Variants in COL4A2 observed in about 807,000 individuals in gnomAD.
The protein encoded by COL4A2 is collagen alpha-2(IV) chain.
In COL4A2, 99 loss-of-function variants were observed where a neutral mutation model predicts 200.2. The observed-to-expected ratio is 0.49, with a 90% CI of 0.42 to 0.58. The LOEUF (loss-of-function observed/expected upper bound fraction) is 0.58. Among genes scored for constraint, COL4A2 ranks in the 20% least tolerant of loss-of-function variants. The probability of loss-of-function intolerance (pLI) is 0.00; values close to 1 mark genes in which losing one functional copy is unlikely to be tolerated. For missense variants in COL4A2, 1,950 were observed against 2,314.1 expected (o/e 0.84, Z 3.23); for synonymous variants, 897 against 900.6 (o/e 1.00, Z 0.07).
At chr13:110,451,955 G>A (rs1881551970) in intron 20 of COL4A2, among the ~76,000 whole-genome samples, 1 of 152,240 alleles carries the variant, frequency 6.6e-6, no homozygotes, top group African/African-American at 2.4e-5. Flanking sequence ...CTCTTTCTGT[G>A]TGACGTTGAC....
chr13:110,477,165 A>G (rs1401201369), intron 29 of COL4A2, among the ~76,000 whole-genome samples: 5 of 152,244 alleles, frequency 3.3e-5, no homozygotes, highest in African/African-American at 9.6e-5. Flanking sequence ...CCTAGGCAAC[A>G]TGGCAAAACC....
chr13:110,507,941 C>T lies in COL4A2; in HGVS notation c.4601C>T (p.Ala1534Val), dbSNP rs763898774. 25 of 1,613,180 alleles carry T rather than the reference C, an allele frequency of 1.5e-5. No homozygotes were observed. Among genetic ancestry groups the T allele is most frequent in the Non-Finnish European group, 1.9e-5 (23 of 1,179,514 alleles). Residue 1534 changes from alanine to valine, a missense_variant, in exon 47 of 48, where the codon GCG becomes GTG. Ala to Val is a moderately conservative substitution (Grantham distance 64). Coordinates refer to ENST00000360467, the MANE Select transcript of COL4A2 (RefSeq NM_001846.4). The part of the protein sequence containing the change: ...EKAHNQDLGL[A>V]GSCLARFSTM... ...ATGACCCCTCCTTCCACAGGGCTGG[C>T]GGGCTCCTGCCTGGCGCGGTTCAGC...
intron 4 of COL4A2, among the ~76,000 whole-genome samples, chr13:110,381,799 G>A (rs917568943): frequency 3.3e-5 from 5 of 152,110 alleles, no homozygotes; most frequent in African/African-American, 7.2e-5. Context: ...AGCACCCAAC[G>A]CATCATCATC....
rs1193877088 is a variant in COL4A2, at chr13:110,439,808, G to A, written c.932G>A (p.Gly311Asp). The change falls in exon 16 of 48, where the codon GGT becomes GAT. Residue 311 changes from glycine (G) to aspartate (D), a missense_variant. This residue lies in a region of COL4A2 where 565 missense variants were observed against 593.5 expected (regional missense o/e 0.95). Coordinates refer to ENST00000360467, the MANE Select transcript of COL4A2 (RefSeq NM_001846.4). ...TTCCAGGGTTACCCTGGCTTGAGTG[G>A]TGAAAAAGGATCACCAGGACAGAAG... is the stretch of plus-strand genomic sequence containing the variant. ...PGLRGYPGLS[G>D]EKGSPGQKGS... The A allele has an allele frequency of 6.2e-7, 1 of 1,613,958 alleles. No homozygotes were observed. The highest frequency in any genetic ancestry group is 2.2e-5 in the East Asian group (1 of 44,860).
At position 110,459,744 on chromosome 13, in the gene COL4A2, CAAAA is replaced by C. The variant is rs1299623026; in HGVS notation, c.1596+814_1596+817del. 6 of 152,216 alleles carry C rather than the reference CAAAA, an allele frequency of 3.9e-5. No individual in the cohort carries two copies. In the South Asian group the frequency reaches 1.0e-3, roughly 26 times the overall value. 9.4% of individuals were successfully genotyped at this position (152,216 alleles called of 1,614,324 possible). A position where few individuals can be genotyped will look rare whatever the true frequency, so the allele number is the denominator to read the frequency against. ...ACTTTGTGCTATATGAATTATATCT[CAAAA>C]AAACCTATCATTTTTAATGTAAAGG... On this transcript the variant is annotated intron_variant, in intron 22 of 47. Transcript: ENST00000360467.
rs1017022220 is a variant in COL4A2, at chr13:110,485,973, T to A, written c.3207+137T>A. ...CAGGGCAGCCTCAGGCTTGGTGGGG[T>A]CCACACAGCCCTGGAAGGAGCTGCT... On this transcript the variant is annotated intron_variant, in intron 34 of 47. Transcript: ENST00000360467. 3.7e-6 allele frequency: 5 copies of A among 1,361,118 alleles called. No individual in the cohort carries two copies. The East Asian group carries it at 1.3e-4, about 34-fold the overall frequency. The allele number at this position is 1,361,118 out of a possible 1,614,324, so 84.3% of individuals were successfully genotyped here. A position where few individuals can be genotyped will look rare whatever the true frequency, so the allele number is the denominator to read the frequency against.
At chr13:110,493,099 TG>T in intron 38 of COL4A2, 111 bp from the exon 39 acceptor site, 1 of 1,161,250 alleles carries the variant, frequency 8.6e-7, no homozygotes, top group Non-Finnish European at 1.3e-6. Flanking sequence ...TAACGATGAG[TG>T]ACACCCCCAT....
chr13:110,405,399 A>G (rs904609731), intron 4 of COL4A2, among the ~76,000 whole-genome samples: 4 of 152,150 alleles, frequency 2.6e-5, no homozygotes, highest in African/African-American at 9.7e-5. Flanking sequence ...GTCCCAGGAA[A>G]GGCCCACTAG....
chr13:110,490,226 C>T (rs1883243183), intron 36 of COL4A2, among the ~76,000 whole-genome samples: 1 of 152,270 alleles, frequency 6.6e-6, no homozygotes, highest in African/African-American at 2.4e-5. Context: ...AGCTGACCAG[C>T]CCGAGCGAGT....
At chr13:110,409,339 G>A (rs1380846923) in intron 4 of COL4A2, among the ~76,000 whole-genome samples, 2 of 152,142 alleles carry the variant, frequency 1.3e-5, no homozygotes, top group Admixed American at 6.5e-5. Flanking sequence ...TATTCCAACC[G>A]CAAAGAAAGC....
chr13:110,412,480 G>A (rs1879880874), intron 4 of COL4A2, among the ~76,000 whole-genome samples: 1 of 152,152 alleles, frequency 6.6e-6, no homozygotes, highest in East Asian at 1.9e-4. Context: ...CTCATACCCT[G>A]GCATAGAAAC....
intron 4 of COL4A2, among the ~76,000 whole-genome samples, chr13:110,368,480 T>C (rs1877848178): frequency 6.6e-6 from 1 of 152,250 alleles, no homozygotes; most frequent in Admixed American, 6.5e-5. Context: ...GACATGCCTT[T>C]GACTAGACAT....
At chr13:110,395,879 A>T (rs1468001267) in intron 4 of COL4A2, among the ~76,000 whole-genome samples, 1 of 152,204 alleles carries the variant, frequency 6.6e-6, no homozygotes, top group Non-Finnish European at 1.5e-5. Flanking sequence ...CAGGAGGCGG[A>T]GGTTGCAGTG....
At chr13:110,377,406 A>G (rs1878281976) in intron 4 of COL4A2, among the ~76,000 whole-genome samples, 1 of 151,902 alleles carries the variant, frequency 6.6e-6, no homozygotes, top group South Asian at 2.1e-4. Flanking sequence ...CCTCCAGTTT[A>G]CTTTCTGGCT....
intron 4 of COL4A2, among the ~76,000 whole-genome samples, chr13:110,403,232 A>G (rs1879441294): frequency 6.6e-6 from 1 of 152,202 alleles, no homozygotes; most frequent in African/African-American, 2.4e-5. Context: ...GGACAGTCTA[A>G]GAATTTTCTA....
intron 45 of COL4A2, among the ~76,000 whole-genome samples, chr13:110,505,745 C>T (rs929036162): frequency 8.5e-5 from 13 of 152,146 alleles, no homozygotes; most frequent in African/African-American, 2.7e-4. Flanking sequence ...TGGTCAAGTG[C>T]GCAGTCAGCA....
At chr13:110,323,852 C>T (rs936202260) in intron 3 of COL4A2, among the ~76,000 whole-genome samples, 2 of 152,140 alleles carry the variant, frequency 1.3e-5, no homozygotes, top group Non-Finnish European at 2.9e-5. Flanking sequence ...TGGCCAGGAC[C>T]GAAGCTAAGT....
chr13:110,493,112 G>A, intron 38 of COL4A2, 99 bp from the exon 39 acceptor site: 1 of 1,322,132 alleles, frequency 7.6e-7, no homozygotes. Context: ...CACCCCCATG[G>A]GTGAAATAAC....
At chr13:110,497,105 C>G (rs1883485378) in intron 40 of COL4A2, among the ~76,000 whole-genome samples, 1 of 150,210 alleles carries the variant, frequency 6.7e-6, no homozygotes, top group African/African-American at 2.5e-5. Context: ...CAGCCTCAGT[C>G]AGGGGTAAGG....
Sources: allele counts gnomAD v4.1 joint callset (sites outside exome capture counted in the v4.1 genomes callset), GRCh38; gene constraint gnomAD v4.1.1; regional missense constraint gnomAD v4.1.1; transcripts MANE v1.5; gene names NCBI Gene and HGNC (gene_info 2026-07-23, HGNC 2026-07-21).